ASB18: variants seen among roughly 807,000 people sequenced by gnomAD.
ASB18 encodes ankyrin repeat and SOCS box containing 18.
A neutral mutation model predicts 33.4 loss-of-function variants in ASB18; 33 were observed. The observed-to-expected ratio is 0.99, with a 90% CI of 0.75 to 1.32. The LOEUF is 1.32. Among genes scored for constraint, ASB18 ranks in the 40% most tolerant of loss-of-function variants. ASB18 has a pLI of 0.00. For synonymous variants in ASB18, 295 were observed against 307.6 expected (o/e 0.96, Z 0.43); for missense variants, 694 against 655.5 (o/e 1.06, Z -0.64).
chr2:236,264,159 G>T lies in ASB18; in HGVS notation c.187C>A (p.Pro63Thr). 1 of 1,613,778 alleles carries T rather than the reference G, an allele frequency of 6.2e-7. No homozygotes were observed. The change falls in exon 1 of 6, where the codon CCC becomes ACC. Residue 63 changes from proline (P) to threonine (T), a missense_variant. Pro to Thr is a conservative substitution (Grantham distance 38). Coordinates refer to ENST00000409749, the MANE Select transcript of ASB18 (RefSeq NM_212556.4). This position sits in a 1 kb window ranked among gnomAD's most constrained non-coding sequence, Gnocchi z 5.1. ...DWMKDPSAQL[P>T]TGMLLGDLDH... is the part of the protein sequence containing the mutation. ...TGGTTACCTAGCAGCATGCCGGTGG[G>T]CAGCTGAGCCGAGGGGTCTTTCATC...
At position 236,264,165 on chromosome 2, in the gene ASB18, G is replaced by C. The variant is rs2060734954; in HGVS notation, c.181C>G (p.Gln61Glu). 1 of 1,613,754 alleles carries C rather than the reference G, an allele frequency of 6.2e-7. No individual in the cohort carries two copies. Among genetic ancestry groups the C allele is most frequent in the Admixed American group, 1.7e-5 (1 of 59,998 alleles). ...NDDWMKDPSA[Q>E]LPTGMLLGDL... is the part of the protein sequence containing the mutation. ...CCTAGCAGCATGCCGGTGGGCAGCT[G>C]AGCCGAGGGGTCTTTCATCCAGTCG... The change falls in exon 1 of 6, where the codon CAG (glutamine) becomes GAG (glutamate). Residue 61 changes from glutamine to glutamate, a missense_variant. Coordinates refer to ENST00000409749, the MANE Select transcript of ASB18 (RefSeq NM_212556.4). This position sits in a 1 kb window ranked among gnomAD's most constrained non-coding sequence, Gnocchi z 5.1.
chr2:236,226,438 A>C lies in ASB18; in HGVS notation c.596+11251T>G, dbSNP rs1397636963. On this transcript the variant is annotated intron_variant, in intron 3 of 5. Coordinates refer to ENST00000409749, the MANE Select transcript of ASB18 (RefSeq NM_212556.4). The surrounding 1 kb of genome is among the most constrained non-coding windows in gnomAD (Gnocchi z 4.8). ...AGAGAAAATGAAACAAGAAAGAAGAAAGAGGAGGAAGAAGAGGAAGACAGA... is the reference window on the plus strand; with the variant it reads ...AGAGAAAATGAAACAAGAAAGAAGACAGAGGAGGAAGAAGAGGAAGACAGA... 6.7e-6 allele frequency among the ~76,000 whole-genome samples: 1 copy of C among 148,716 alleles called. No homozygotes were observed. Among genetic ancestry groups the C allele is most frequent in the African/African-American group, 2.5e-5 (1 of 40,234 alleles).
At chr2:236,224,122 AC>A (rs2060525675) in intron 3 of ASB18, among the ~76,000 whole-genome samples, 1 of 141,716 alleles carries the variant, frequency 7.1e-6, no homozygotes, top group African/African-American at 2.7e-5. Flanking sequence ...CATTTTACCC[AC>A]CCAAAACTAT....
rs575478979 is a variant in ASB18, at chr2:236,193,521, G to C, written c.*1351C>G. Among the ~76,000 whole-genome samples, 164 of 152,330 alleles carry C rather than the reference G, an allele frequency of 1.1e-3. No individual in the cohort carries two copies. The highest frequency in any genetic ancestry group is 1.2e-3 in the Non-Finnish European group (82 of 68,034). ...TAAGAAACAAAACTGATTCGGCAGG[G>C]CATGGTGACTCATGCCTGTAATCCC... On this transcript the variant is annotated 3_prime_UTR_variant, in exon 6 of 6. Coordinates refer to ENST00000409749, the MANE Select transcript of ASB18 (RefSeq NM_212556.4). The surrounding 1 kb of genome is among the most constrained non-coding windows in gnomAD (Gnocchi z 5.0).
intron 4 of ASB18, among the ~76,000 whole-genome samples, chr2:236,212,214 C>T (rs547244134): frequency 4.6e-5 from 7 of 152,244 alleles, no homozygotes; most frequent in Admixed American, 2.0e-4. Context: ...GGATGAGTTG[C>T]ACCACTGACT....
rs2060619299 is a variant in ASB18 at position 236,241,193 on chromosome 2, C to T, written c.328+87G>A. The T allele has an allele frequency of 2.2e-6, 3 of 1,338,784 alleles. No homozygotes were observed. In the African/African-American group the frequency reaches 4.3e-5, roughly 19 times the overall value. 82.9% of individuals were successfully genotyped at this position (1,338,784 alleles called of 1,614,324 possible). A position where few individuals can be genotyped will look rare whatever the true frequency, so the allele number is the denominator to read the frequency against. On this transcript the variant is annotated intron_variant, in intron 2 of 5. Coordinates refer to ENST00000409749, the MANE Select transcript of ASB18 (RefSeq NM_212556.4). This position sits in a 1 kb window ranked among gnomAD's most constrained non-coding sequence, Gnocchi z 4.2. ...TACGTTAAACCCAGTGCCACTGTGCCCAGTCTACACACGGGAGCCTTACAC... is the reference window on the plus strand; with the variant it reads ...TACGTTAAACCCAGTGCCACTGTGCTCAGTCTACACACGGGAGCCTTACAC...
intron 1 of ASB18, chr2:236,254,112 C>T (rs1366632743): frequency 2.6e-5 from 4 of 152,164 alleles, no homozygotes; most frequent in East Asian, 3.8e-4. Flanking sequence ...TTCTGCCACG[C>T]TCACATGAAA....
rs1347121540 is a variant in ASB18 at position 236,209,551 on chromosome 2, A to C, written c.1101+4811T>G. ...AGTGCTAGGATTATAGGCGTGAGCT[A>C]TTGCCTCTGGCCTAGAATCTGTTAT... On this transcript the variant is annotated intron_variant, in intron 4 of 5. Coordinates refer to ENST00000409749, the MANE Select transcript of ASB18 (RefSeq NM_212556.4). This position sits in a 1 kb window ranked among gnomAD's most constrained non-coding sequence, Gnocchi z 4.4. Among the ~76,000 whole-genome samples the C allele has an allele frequency of 1.3e-5, 2 of 152,172 alleles. No homozygotes were observed. Among genetic ancestry groups the C allele is most frequent in the Non-Finnish European group, 2.9e-5 (2 of 68,028 alleles).
chr2:236,237,907 G>T lies in ASB18; in HGVS notation c.378C>A (p.Ile126=). The T allele has an allele frequency of 2.7e-6, 4 of 1,502,424 alleles. No individual in the cohort carries two copies. Among genetic ancestry groups the T allele is most frequent in the Non-Finnish European group, 3.5e-6 (4 of 1,132,354 alleles). 93.1% of individuals were successfully genotyped at this position (1,502,424 alleles called of 1,614,324 possible). A position where few individuals can be genotyped will look rare whatever the true frequency, so the allele number is the denominator to read the frequency against. The change falls in exon 3 of 6, where the codon ATC becomes ATA. Residue 126 remains isoleucine (I), a synonymous_variant. Coordinates refer to ENST00000409749, the MANE Select transcript of ASB18 (RefSeq NM_212556.4). The surrounding 1 kb of genome is among the most constrained non-coding windows in gnomAD (Gnocchi z 6.2). ...AGGCGGTGTGGCCGTGGGCCGCGGC[G>T]ATGCACAGGGGCGTGGTGAGCTCAC... ...YKRELTTPLC[I]AAAHGHTACV... is the part of the protein sequence containing the mutation.
Position 236,264,079 on chromosome 2 carries a change from G to T in ASB18, c.205+62C>A. On this transcript the variant is annotated intron_variant, in intron 1 of 5. Coordinates refer to ENST00000409749, the MANE Select transcript of ASB18 (RefSeq NM_212556.4). The surrounding 1 kb of genome is among the most constrained non-coding windows in gnomAD (Gnocchi z 5.1). ...ATTTGCCCCTCTACCTCCAGGATCT[G>T]CCCACCCCATCAGTGTAACTTAGTA... 2 of 1,471,874 alleles carry T rather than the reference G, an allele frequency of 1.4e-6. No homozygotes were observed. The highest frequency in any genetic ancestry group is 1.9e-6 in the Non-Finnish European group (2 of 1,063,888). 91.2% of individuals were successfully genotyped at this position (1,471,874 alleles called of 1,614,324 possible).
Position 236,228,573 on chromosome 2 carries a change from T to C in ASB18, c.596+9116A>G, listed in dbSNP as rs2060551232. On this transcript the variant is annotated intron_variant, in intron 3 of 5. Transcript: ENST00000409749. The surrounding 1 kb of genome is among the most constrained non-coding windows in gnomAD (Gnocchi z 5.1). Reference sequence around the variant, plus strand: ...TTAGAACCGACTGAAATATGTCAAATATTTTGTGTGCATAGAGGTTGAGAG... The same window carrying C: ...TTAGAACCGACTGAAATATGTCAAACATTTTGTGTGCATAGAGGTTGAGAG... Among the ~76,000 whole-genome samples, 1 of 152,186 alleles carries C rather than the reference T, an allele frequency of 6.6e-6. No individual in the cohort carries two copies. Among genetic ancestry groups the C allele is most frequent in the Non-Finnish European group, 1.5e-5 (1 of 68,032 alleles).
At position 236,253,621 on chromosome 2, in the gene ASB18, C is replaced by A. The variant is rs908105619; in HGVS notation, c.205+10520G>T. ...CAGGCTGGTCTCTAACTCCTGGCCT[C>A]AAGTGATCTTCCCACCTCAGCCTCC... On this transcript the variant is annotated intron_variant, in intron 1 of 5. Coordinates refer to ENST00000409749, the MANE Select transcript of ASB18 (RefSeq NM_212556.4). The surrounding 1 kb of genome is among the most constrained non-coding windows in gnomAD (Gnocchi z 5.4). Among the ~76,000 whole-genome samples, 1 of 152,124 alleles carries A rather than the reference C, an allele frequency of 6.6e-6. No homozygotes were observed. Among genetic ancestry groups the A allele is most frequent in the South Asian group, 2.1e-4 (1 of 4,794 alleles).
Position 236,235,455 on chromosome 2 carries a change from A to G in ASB18, c.596+2234T>C, listed in dbSNP as rs1284347289. On this transcript the variant is annotated intron_variant, in intron 3 of 5. Coordinates refer to ENST00000409749, the MANE Select transcript of ASB18 (RefSeq NM_212556.4). This position sits in a 1 kb window ranked among gnomAD's most constrained non-coding sequence, Gnocchi z 6.2. ...AACACATTTCTGAGAATGTATCCCC[A>G]TCGTTAAGCGACAAATGACTGTATG... Among the ~76,000 whole-genome samples the G allele has an allele frequency of 6.6e-6, 1 of 152,206 alleles. No individual in the cohort carries two copies. The highest frequency in any genetic ancestry group is 1.5e-5 in the Non-Finnish European group (1 of 68,040).
chr2:236,209,273 CTT>C lies in ASB18; in HGVS notation c.1101+5087_1101+5088del, dbSNP rs200717235. ...GATTTGCAGATGTTTCTAGAATCTG[CTT>C]TTTTTTTTTTTTTTTAAGACAAGGT... is the stretch of plus-strand genomic sequence containing the variant. On this transcript the variant is annotated intron_variant, in intron 4 of 5. Transcript: ENST00000409749. The surrounding 1 kb of genome is among the most constrained non-coding windows in gnomAD (Gnocchi z 4.4). Among the ~76,000 whole-genome samples, 153 of 139,254 alleles carry C rather than the reference CTT, an allele frequency of 1.1e-3. No homozygotes were observed. The highest frequency in any genetic ancestry group is 1.5e-3 in the African/African-American group (58 of 37,826). The allele number at this position is 139,254 out of a possible 152,430, so 91.4% of individuals were successfully genotyped here. A position where few individuals can be genotyped will look rare whatever the true frequency, so the allele number is the denominator to read the frequency against.
rs191324277 is a variant in ASB18, at chr2:236,226,402, C to T, written c.596+11287G>A. On this transcript the variant is annotated intron_variant, in intron 3 of 5. Transcript: ENST00000409749. The surrounding 1 kb of genome is among the most constrained non-coding windows in gnomAD (Gnocchi z 4.8). ...GCCAAAGGGAAAGACTCCCATAGAG[C>T]GACACAGAGAAGAGAAAATGAAACA... Among the ~76,000 whole-genome samples the T allele has an allele frequency of 4.6e-3, 698 of 151,474 alleles. 5 individuals carry two copies. The highest frequency in any genetic ancestry group is 7.0e-3 in the Non-Finnish European group (476 of 67,904).
At chr2:236,228,000 T>C (rs1483974010) in intron 3 of ASB18, among the ~76,000 whole-genome samples, 1 of 152,206 alleles carries the variant, frequency 6.6e-6, no homozygotes, top group East Asian at 1.9e-4. Flanking sequence ...AGGAATGGAG[T>C]CAATATTGGT....
chr2:236,235,532 GA>G lies in ASB18; in HGVS notation c.596+2156del, dbSNP rs774838440. ...ATGCTCAACATCGCTAGTTACCAGG[GA>G]AATGAAAATCAAAACTATAACAAGA... On this transcript the variant is annotated intron_variant, in intron 3 of 5. Transcript: ENST00000409749. This position sits in a 1 kb window ranked among gnomAD's most constrained non-coding sequence, Gnocchi z 6.2. Among the ~76,000 whole-genome samples, 1 of 152,184 alleles carries G rather than the reference GA, an allele frequency of 6.6e-6. No individual in the cohort carries two copies. The highest frequency in any genetic ancestry group is 1.5e-5 in the Non-Finnish European group (1 of 68,038).
rs1278021800 is a variant in ASB18 at position 236,214,484 on chromosome 2, C to A, written c.979G>T (p.Ala327Ser). The A allele has an allele frequency of 2.6e-6, 4 of 1,512,810 alleles. No homozygotes were observed. The East Asian group carries it at 7.9e-5, about 30-fold the overall frequency. 93.7% of individuals were successfully genotyped at this position (1,512,810 alleles called of 1,614,324 possible). A position where few individuals can be genotyped will look rare whatever the true frequency, so the allele number is the denominator to read the frequency against. The change falls in exon 4 of 6, where the codon GCC (alanine) becomes TCC (serine). Residue 327 changes from alanine (A) to serine (S), a missense_variant. Transcript: ENST00000409749. This position sits in a 1 kb window ranked among gnomAD's most constrained non-coding sequence, Gnocchi z 6.5. ...ADAGALDYGGASPLGRVLQTA... is the reference protein window; with the variant it reads ...ADAGALDYGGSSPLGRVLQTA... ...TGGAGCACGCGGCCCAGCGGCGAGG[C>A]CCCGCCATAGTCGAGCGCGCCCGCG...
At position 236,214,372 on chromosome 2, in the gene ASB18, G is replaced by T. The variant is rs572054643; in HGVS notation, c.1091C>A (p.Ala364Asp). The change falls in exon 4 of 6, where the codon GCC becomes GAC. Residue 364 changes from alanine to aspartate, a missense_variant. Transcript: ENST00000409749. This position sits in a 1 kb window ranked among gnomAD's most constrained non-coding sequence, Gnocchi z 6.5. ...NHGSPTVWPD[A>D]FPKVLKTCAS... ...TGGATCCTGCCTTACCTTGGGGAAG[G>T]CGTCGGGCCACACGGTGGGAGAGCC... 1.4e-5 allele frequency: 22 copies of T among 1,575,294 alleles called. No homozygotes were observed. The highest frequency in any genetic ancestry group is 1.7e-5 in the Non-Finnish European group (20 of 1,164,614).
Sources: gnomAD v4.1 joint callset for allele counts (sites outside exome capture counted in the v4.1 genomes callset) on GRCh38, gnomAD v4.1.1 for gene constraint, Gnocchi (gnomAD v3.1) non-coding constraint, MANE v1.5 for transcripts, NCBI Gene and HGNC (gene_info 2026-07-23, HGNC 2026-07-21) for gene names.